APBB1: variants seen among roughly 807,000 people sequenced by gnomAD.
APBB1 encodes amyloid beta precursor protein binding family B member 1.
Under a neutral mutation model 78.4 loss-of-function variants are expected in APBB1, and 22 were observed. The observed-to-expected ratio is 0.28, with a 90% CI of 0.20 to 0.40. The LOEUF (loss-of-function observed/expected upper bound fraction) is 0.40. Among genes scored for constraint, APBB1 ranks in the 10% least tolerant of loss-of-function variants. The probability of loss-of-function intolerance (pLI) is 1.00; values close to 1 mark genes in which losing one functional copy is unlikely to be tolerated. For missense variants in APBB1, 749 were observed against 932.4 expected, an observed-to-expected ratio of 0.80 and a Z score of 2.56; for synonymous variants, 369 against 372.7, an observed-to-expected ratio of 0.99 and a Z score of 0.12.
chr11:6,400,089 T>C (rs1476238146), intron 12 of APBB1, among the ~76,000 whole-genome samples: 1 of 152,234 alleles, frequency 6.6e-6, no homozygotes. Flanking sequence ...CTGGTTTTTT[T>C]CTACCATAAC....
At chr11:6,405,033 A>T in intron 2 of APBB1, 1 of 1,417,452 alleles carries the variant, frequency 7.1e-7, no homozygotes, top group South Asian at 1.5e-5. Context: ...GGAGAAAGGG[A>T]GGTTCATGAG....
Position 6,403,666 on chromosome 11 carries a change from C to T in APBB1, c.878G>A (p.Ser293Asn), listed in dbSNP as rs1298584155. The T allele has an allele frequency of 1.2e-6, 2 of 1,608,128 alleles. No individual in the cohort carries two copies. Among genetic ancestry groups the T allele is most frequent in the Non-Finnish European group, 1.7e-6 (2 of 1,176,566 alleles). ...CCTCACCTGGGACTCCTCTTGGGGG[C>T]TGCTCCCCTGTGAGGGGGAGGCCCG... Reference protein sequence around the residue: ...PGRASPSQGSSPQEESQLTWT... With the variant: ...PGRASPSQGSNPQEESQLTWT... Residue 293 changes from serine (S) to asparagine (N), a missense_variant, in exon 3 of 15, where the codon AGC becomes AAC. Transcript: ENST00000609360. The surrounding 1 kb of genome is among the most constrained non-coding windows in gnomAD (Gnocchi z 5.3).
intron 1 of APBB1, among the ~76,000 whole-genome samples, chr11:6,413,789 C>A (rs1849045468): frequency 6.6e-6 from 1 of 152,094 alleles, no homozygotes; most frequent in South Asian, 2.1e-4. Flanking sequence ...CACCTTTCTA[C>A]GTCTCTAGTT....
At chr11:6,412,353 A>G (rs1228878773) in intron 1 of APBB1, among the ~76,000 whole-genome samples, 1 of 152,070 alleles carries the variant, frequency 6.6e-6, no homozygotes, top group Non-Finnish European at 1.5e-5. Context: ...GGGCTTCACC[A>G]TGTTGGTCAG....
intron 1 of APBB1, among the ~76,000 whole-genome samples, chr11:6,412,614 T>C (rs1440186782): frequency 6.6e-6 from 1 of 152,248 alleles, no homozygotes; most frequent in Non-Finnish European, 1.5e-5. Flanking sequence ...CTTTGTCTAA[T>C]GATTGTCTCC....
At position 6,410,753 on chromosome 11, in the gene APBB1, G is replaced by C; in HGVS notation, c.595C>G (p.Pro199Ala). Residue 199 changes from proline to alanine, a missense_variant, in exon 2 of 15, where the codon CCC (proline) becomes GCC (alanine). Transcript: ENST00000609360. ...PPRPQALTDGPREHSKSASLL... is the reference protein window; with the variant it reads ...PPRPQALTDGAREHSKSASLL... Reference sequence around the variant, plus strand: ...CTGGCACTCTTGCTGTGTTCCCGGGGGCCATCTGTAAGGGCTTGGGGCCTG... The same window carrying C: ...CTGGCACTCTTGCTGTGTTCCCGGGCGCCATCTGTAAGGGCTTGGGGCCTG... The C allele has an allele frequency of 6.3e-7, 1 of 1,583,904 alleles. No homozygotes were observed. Among genetic ancestry groups the C allele is most frequent in the Non-Finnish European group, 8.6e-7 (1 of 1,164,382 alleles).
rs745535127 is a variant in APBB1, at chr11:6,401,334, T to C, written c.1588+11A>G. 1.2e-6 allele frequency: 2 copies of C among 1,614,194 alleles called. No homozygotes were observed. The highest frequency in any genetic ancestry group is 3.3e-5 in the Admixed American group (2 of 60,028). ...AAGCTGAGCTGGACCTGGAGGGGTTTTGACACTGACCTTGGAAAGGGACAT... is the reference window on the plus strand; with the variant it reads ...AAGCTGAGCTGGACCTGGAGGGGTTCTGACACTGACCTTGGAAAGGGACAT... On this transcript the variant is annotated intron_variant, in intron 11 of 14. Transcript: ENST00000609360. The surrounding 1 kb of genome is among the most constrained non-coding windows in gnomAD (Gnocchi z 4.5).
chr11:6,407,469 C>A (rs1378240288), intron 2 of APBB1, among the ~76,000 whole-genome samples: 1 of 152,234 alleles, frequency 6.6e-6, no homozygotes, highest in Non-Finnish European at 1.5e-5. Context: ...TGCAAACTTC[C>A]AACCTACAAC....
chr11:6,403,898 GAGACCCCA>G lies in APBB1; in HGVS notation c.722-84_722-77del. Reference sequence around the variant, plus strand: ...CTGGTGCCTATGCCCGGTCCCCTCTGAGACCCCATGGTTGAGAAGGGGTGGTGGAAGAG... The same window carrying G: ...CTGGTGCCTATGCCCGGTCCCCTCTGTGGTTGAGAAGGGGTGGTGGAAGAG... On this transcript the variant is annotated intron_variant, in intron 2 of 14. Transcript: ENST00000609360. This position sits in a 1 kb window ranked among gnomAD's most constrained non-coding sequence, Gnocchi z 5.3. 6.8e-7 allele frequency: 1 copy of G among 1,460,540 alleles called. No homozygotes were observed. Among genetic ancestry groups the G allele is most frequent in the East Asian group, 2.3e-5 (1 of 43,394 alleles). The allele number at this position is 1,460,540 out of a possible 1,614,324, so 90.5% of individuals were successfully genotyped here. A position where few individuals can be genotyped will look rare whatever the true frequency, so the allele number is the denominator to read the frequency against.
Position 6,401,055 on chromosome 11 carries a change from T to G in APBB1, c.1606A>C (p.Lys536Gln). Residue 536 changes from lysine to glutamine, a missense_variant, in exon 12 of 15, where the codon AAG (lysine) becomes CAG (glutamine). By Grantham distance (53) the Lys-to-Gln change is moderately conservative. Coordinates refer to ENST00000609360, the MANE Select transcript of APBB1 (RefSeq NM_001164.5). This position sits in a 1 kb window ranked among gnomAD's most constrained non-coding sequence, Gnocchi z 4.5. The part of the protein sequence containing the change: ...VPFQVEFPAP[K>Q]NELVQKFQVY... ...TGGAACTTCTGGACCAACTCATTCT[T>G]AGGCGCTGGGAATTCCACTATGGGA... The G allele has an allele frequency of 1.2e-6, 2 of 1,614,148 alleles. No individual in the cohort carries two copies. The highest frequency in any genetic ancestry group is 1.7e-6 in the Non-Finnish European group (2 of 1,180,022).
At chr11:6,412,146 T>C (rs569748838) in intron 1 of APBB1, among the ~76,000 whole-genome samples, 3 of 151,840 alleles carry the variant, frequency 2.0e-5, no homozygotes, top group East Asian at 3.9e-4. Flanking sequence ...TTTTTGGGGG[T>C]TGTTTGTCTG....
chr11:6,396,046 C>A, intron 13 of APBB1, 54 bp downstream of exon 13: 1 of 1,599,278 alleles, frequency 6.3e-7, no homozygotes, highest in Non-Finnish European at 8.5e-7. Flanking sequence ...CCCCTCACCC[C>A]CAGTCTCCCC....
chr11:6,415,109 G>C (rs1849087015), intron 1 of APBB1, among the ~76,000 whole-genome samples: 1 of 152,176 alleles, frequency 6.6e-6, no homozygotes. Flanking sequence ...AGGTCAAAAA[G>C]ATGATCTCAG....
intron 2 of APBB1, chr11:6,404,822 C>G (rs758178888): frequency 1.3e-6 from 2 of 1,535,366 alleles, no homozygotes; most frequent in South Asian, 1.2e-5. Flanking sequence ...CCCCTCCTGC[C>G]TCCACCCTCC....
chr11:6,413,751 G>A lies in APBB1; in HGVS notation c.-14-2390C>T, dbSNP rs183524520. Among the ~76,000 whole-genome samples the A allele has an allele frequency of 2.4e-3, 357 of 151,842 alleles. 1 individual carries two copies. Among genetic ancestry groups the A allele is most frequent in the African/African-American group, 8.2e-3 (338 of 41,260 alleles). On this transcript the variant is annotated intron_variant, in intron 1 of 14. Transcript: ENST00000609360. ...CTCCCAAAGTGCTGGGATTACAGGCGTGAGCCACCGCGCCCGGCCCCATAG... is the reference window on the plus strand; with the variant it reads ...CTCCCAAAGTGCTGGGATTACAGGCATGAGCCACCGCGCCCGGCCCCATAG...
At chr11:6,414,410 C>T (rs753541272) in intron 1 of APBB1, among the ~76,000 whole-genome samples, 5 of 152,216 alleles carry the variant, frequency 3.3e-5, no homozygotes, top group Non-Finnish European at 5.9e-5. Context: ...ATATCTGAGA[C>T]GGTGTCTTAT....
intron 2 of APBB1, among the ~76,000 whole-genome samples, chr11:6,408,499 T>C (rs1279105338): frequency 6.6e-6 from 1 of 151,802 alleles, no homozygotes; most frequent in Non-Finnish European, 1.5e-5. Flanking sequence ...TACATTTTTT[T>C]TTTCCTTCTT....
Position 6,395,479 on chromosome 11 carries a change from C to T in APBB1, c.*55G>A. 4 of 1,481,962 alleles carry T rather than the reference C, an allele frequency of 2.7e-6. No homozygotes were observed. Among genetic ancestry groups the T allele is most frequent in the Non-Finnish European group, 3.6e-6 (4 of 1,115,644 alleles). 91.8% of individuals were successfully genotyped at this position (1,481,962 alleles called of 1,614,324 possible). A position where few individuals can be genotyped will look rare whatever the true frequency, so the allele number is the denominator to read the frequency against. On this transcript the variant is annotated 3_prime_UTR_variant, in exon 15 of 15. Transcript: ENST00000609360. The surrounding 1 kb of genome is among the most constrained non-coding windows in gnomAD (Gnocchi z 5.2). The stretch of plus-strand genomic sequence containing the variant: ...CCTCTAGACCCCTCCCTGACCCACA[C>T]CCTTTAGTTCCCTGGGGCCCAACAC...
intron 2 of APBB1, 102 bp downstream of exon 2, chr11:6,410,525 T>C: frequency 9.4e-7 from 1 of 1,059,882 alleles, no homozygotes; most frequent in Non-Finnish European, 1.3e-6. Flanking sequence ...CCTCAGGGTA[T>C]GGGCTCTCAG....
Sources: gnomAD v4.1 joint callset for allele counts (sites outside exome capture counted in the v4.1 genomes callset) on GRCh38, gnomAD v4.1.1 for gene constraint, Gnocchi (gnomAD v3.1) non-coding constraint, MANE v1.5 for transcripts, NCBI Gene and HGNC (gene_info 2026-07-23, HGNC 2026-07-21) for gene names.